Variants in CDK15 observed in about 807,000 individuals in gnomAD.
CDK15 encodes cyclin dependent kinase 15, also known as cyclin-dependent kinase 15.
Under a neutral mutation model 60.3 loss-of-function variants are expected in CDK15, and 62 were observed. The ratio of observed to expected loss-of-function variants is 1.03; its 90% CI spans 0.84 to 1.27. The LOEUF (loss-of-function observed/expected upper bound fraction) is 1.27, where lower values mean the gene tolerates loss of function less well. Ranked by LOEUF, CDK15 falls within the 50% of genes most tolerant of loss-of-function variation. The pLI is 0.00. For missense variants in CDK15, 541 were observed against 527.8 expected, an observed-to-expected ratio of 1.03 and a Z score of -0.25; for synonymous variants, 194 against 195.7, an observed-to-expected ratio of 0.99 and a Z score of 0.07.
intron 7 of CDK15, among the ~76,000 whole-genome samples, chr2:201,835,012 A>G (rs1321544750): frequency 6.6e-6 from 1 of 152,168 alleles, no homozygotes; most frequent in Non-Finnish European, 1.5e-5. Flanking sequence ...AAACTAATTA[A>G]TTTGGATGAG....
At chr2:201,867,720 C>CT (rs1275571975) in intron 10 of CDK15, among the ~76,000 whole-genome samples, 2 of 152,158 alleles carry the variant, frequency 1.3e-5, no homozygotes, top group Non-Finnish European at 2.9e-5. Context: ...TCAGGGCTTC[C>CT]TTTCTCGTAA....
chr2:201,841,209 T>C (rs149035583), intron 8 of CDK15, among the ~76,000 whole-genome samples: 52 of 152,324 alleles, frequency 3.4e-4, no homozygotes, highest in African/African-American at 1.2e-3. Context: ...CATCAACCTA[T>C]ATCTCTTACC....
intron 12 of CDK15, among the ~76,000 whole-genome samples, chr2:201,880,639 C>T (rs74595550): frequency 1.6e-3 from 246 of 152,230 alleles, no homozygotes; most frequent in African/African-American, 5.6e-3. Flanking sequence ...AAGGCAGTGC[C>T]GGGGTGGGGT....
chr2:201,847,282 T>G, intron 8 of CDK15, 99 bp from the exon 9 acceptor site: 3 of 1,187,204 alleles, frequency 2.5e-6, no homozygotes, highest in East Asian at 4.7e-5. Context: ...CGTATTTAAC[T>G]CTCCCTAAAA....
At chr2:201,833,825 T>A in intron 6 of CDK15, 23 bp from the exon 7 acceptor site, 1 of 1,611,630 alleles carries the variant, frequency 6.2e-7, no homozygotes, top group Non-Finnish European at 8.5e-7. Flanking sequence ...AATCTCCTTA[T>A]GGATAGTGTT....
At chr2:201,861,623 T>C (rs999524098) in intron 10 of CDK15, 184 of 756,246 alleles carry the variant, frequency 2.4e-4, no homozygotes, top group Non-Finnish European at 2.8e-4. Context: ...TGCAGTGGCA[T>C]GATCTCGGCT....
chr2:201,816,882 C>T (rs530664769), intron 4 of CDK15, among the ~76,000 whole-genome samples: 2 of 152,294 alleles, frequency 1.3e-5, no homozygotes, highest in East Asian at 3.9e-4. Context: ...GTAGCAACAA[C>T]CTGACAACCT....
chr2:201,873,722 A>G (rs1483736927), intron 11 of CDK15, among the ~76,000 whole-genome samples: 1 of 152,150 alleles, frequency 6.6e-6, no homozygotes, highest in Non-Finnish European at 1.5e-5. Context: ...ACCTTTTCTC[A>G]GACTTCTGGC....
At chr2:201,852,865 C>T (rs754115122) in intron 9 of CDK15, among the ~76,000 whole-genome samples, 2 of 152,154 alleles carry the variant, frequency 1.3e-5, no homozygotes, top group Non-Finnish European at 2.9e-5. Context: ...AAGCTTTGAA[C>T]ATAAGATTAA....
At chr2:201,808,969 C>G (rs12619022) in intron 3 of CDK15, among the ~76,000 whole-genome samples, 55,756 of 151,646 alleles carry the variant, frequency 0.37, 11,024 homozygotes, top group African/African-American at 0.52. Context: ...CTGTCACCCA[C>G]GCTGGAGTGC....
At chr2:201,891,363 G>A (rs1024041933) in intron 13 of CDK15, among the ~76,000 whole-genome samples, 1 of 152,210 alleles carries the variant, frequency 6.6e-6, no homozygotes, top group Non-Finnish European at 1.5e-5. Context: ...TGCAACTTTT[G>A]CAAATTGAAA....
chr2:201,889,798 C>G (rs1299713991), intron 12 of CDK15, among the ~76,000 whole-genome samples: 3 of 152,004 alleles, frequency 2.0e-5, no homozygotes, highest in Admixed American at 6.5e-5. Context: ...GCCTATGATC[C>G]CAGCACTTTG....
At chr2:201,851,380 C>T (rs1325964538) in intron 9 of CDK15, among the ~76,000 whole-genome samples, 1 of 149,694 alleles carries the variant, frequency 6.7e-6, no homozygotes, top group East Asian at 2.0e-4. Flanking sequence ...GCACTGTAGG[C>T]TGTTGTCCAG....
At chr2:201,808,204 T>C (rs1695602593) in intron 3 of CDK15, among the ~76,000 whole-genome samples, 1 of 152,194 alleles carries the variant, frequency 6.6e-6, no homozygotes. Flanking sequence ...ATTCAGAGAA[T>C]TCAAAGAAAA....
chr2:201,816,529 A>G (rs138087624), intron 4 of CDK15, among the ~76,000 whole-genome samples: 14 of 134,258 alleles, frequency 1.0e-4, no homozygotes, highest in African/African-American at 8.6e-5. Flanking sequence ...TCTTTATCCA[A>G]TCCACCATTG....
chr2:201,883,672 G>A (rs572582707), intron 12 of CDK15, among the ~76,000 whole-genome samples: 1 of 152,330 alleles, frequency 6.6e-6, no homozygotes, highest in South Asian at 2.1e-4. Context: ...GAAATTATTG[G>A]TAGTCCCTCT....
chr2:201,815,774 TA>T (rs972254639), intron 4 of CDK15, among the ~76,000 whole-genome samples: 2 of 152,212 alleles, frequency 1.3e-5, no homozygotes, highest in African/African-American at 2.4e-5. Flanking sequence ...GTCATATAAC[TA>T]ATCTTTTTTG....
Position 201,831,213 on chromosome 2 carries a change from C to A in CDK15, c.607-2635C>A, listed in dbSNP as rs185469467. On this transcript the variant is annotated intron_variant, in intron 6 of 13. Coordinates refer to ENST00000652192, the MANE Select transcript of CDK15 (RefSeq NM_001366386.2). ...GTTTCAGATTTCTAGTAGAATGAGT[C>A]CCAGGGATTCCAGGGGGGATGGAAG... Among the ~76,000 whole-genome samples the A allele has an allele frequency of 3.9e-5, 6 of 152,254 alleles. No individual in the cohort carries two copies. The East Asian group carries it at 1.2e-3, about 29-fold the overall frequency.
At position 201,890,795 on chromosome 2, in the gene CDK15, G is replaced by A; in HGVS notation, c.1209G>A (p.Leu403=). The A allele has an allele frequency of 6.2e-7, 1 of 1,611,590 alleles. No individual in the cohort carries two copies. The highest frequency in any genetic ancestry group is 8.5e-7 in the Non-Finnish European group (1 of 1,178,566). ...QLYQLPDEES[L]FTVSGVRLKP... Reference sequence around the variant, plus strand: ...TTTTCATTCCTACAGAGGAGTCTTTGTTTACAGTTTCAGGAGTGAGGCTAA... The same window carrying A: ...TTTTCATTCCTACAGAGGAGTCTTTATTTACAGTTTCAGGAGTGAGGCTAA... The change falls in exon 13 of 14, where the codon TTG becomes TTA. Residue 403 remains leucine, a synonymous_variant. Coordinates refer to ENST00000652192, the MANE Select transcript of CDK15 (RefSeq NM_001366386.2).
Sources: allele counts gnomAD v4.1 joint callset (sites outside exome capture counted in the v4.1 genomes callset), GRCh38; gene constraint gnomAD v4.1.1; transcripts MANE v1.5; gene names NCBI Gene and HGNC (gene_info 2026-07-23, HGNC 2026-07-21).